SPOCK1: variants seen among roughly 807,000 people sequenced by gnomAD.
SPOCK1 encodes testican-1.
In SPOCK1, 23 loss-of-function variants were observed where a neutral mutation model predicts 55.3. That is an observed-to-expected ratio of 0.42 (90% CI 0.30 to 0.59). The LOEUF is 0.59. SPOCK1 is among the 20% of genes least tolerant of loss of function. SPOCK1 has a pLI of 0.22. For missense variants in SPOCK1, 499 were observed against 552.5 expected (o/e 0.90, Z 0.97); for synonymous variants, 226 against 221.0 (o/e 1.02, Z -0.20).
intron 2 of SPOCK1, among the ~76,000 whole-genome samples, chr5:137,465,017 G>A (rs1260749898): frequency 6.6e-6 from 1 of 152,134 alleles, no homozygotes; most frequent in African/African-American, 2.4e-5. Context: ...AGAACGTGCA[G>A]AAAACCTTGA....
At chr5:137,414,794 C>T (rs1360347381) in intron 2 of SPOCK1, among the ~76,000 whole-genome samples, 1 of 152,068 alleles carries the variant, frequency 6.6e-6, no homozygotes, top group Non-Finnish European at 1.5e-5. Context: ...TATTTTAGCA[C>T]CTAAGATCTG....
rs184647768 is a variant in SPOCK1 at position 137,102,318 on chromosome 5, A to C, written c.474+10117T>G. ...TGGAATCTTTTGCCAGGATTAAAAC[A>C]TGAGTAAATTTGTTTGGTGTTTCTA... is the stretch of plus-strand genomic sequence containing the variant. On this transcript the variant is annotated intron_variant, in intron 5 of 10. Coordinates refer to ENST00000394945, the MANE Select transcript of SPOCK1 (RefSeq NM_004598.4). Among the ~76,000 whole-genome samples the C allele has an allele frequency of 6.6e-5, 10 of 152,286 alleles. No individual in the cohort carries two copies. The East Asian group carries it at 1.9e-3, about 29-fold the overall frequency.
intron 2 of SPOCK1, among the ~76,000 whole-genome samples, chr5:137,447,557 TA>T (rs765631835): frequency 4.6e-5 from 7 of 152,074 alleles, no homozygotes; most frequent in Non-Finnish European, 1.0e-4. Context: ...CACACACAAG[TA>T]AAAAGCAAAG....
chr5:137,137,677 C>T lies in SPOCK1; in HGVS notation c.347+2903G>A, dbSNP rs143635020. 2.6e-3 allele frequency among the ~76,000 whole-genome samples: 394 copies of T among 152,282 alleles called. No homozygotes were observed. In the Middle Eastern group the frequency reaches 0.051, roughly 20 times the overall value. ...CTTAGTCTACACCTGCTGTGAATTG[C>T]AAAGGGGGCAGCAGAAATGACACTG... is the stretch of plus-strand genomic sequence containing the variant. On this transcript the variant is annotated intron_variant, in intron 4 of 10. Coordinates refer to ENST00000394945, the MANE Select transcript of SPOCK1 (RefSeq NM_004598.4).
intron 3 of SPOCK1, among the ~76,000 whole-genome samples, chr5:137,226,104 C>T (rs985114047): frequency 6.6e-6 from 1 of 152,192 alleles, no homozygotes; most frequent in African/African-American, 2.4e-5. Context: ...CAGTGGGCTG[C>T]ACACCATCCT....
chr5:137,486,478 C>A (rs893859655), intron 2 of SPOCK1, among the ~76,000 whole-genome samples: 1 of 152,208 alleles, frequency 6.6e-6, no homozygotes, highest in Non-Finnish European at 1.5e-5. Context: ...AGAAAGCCTG[C>A]AGCCTGACCA....
At chr5:137,191,418 A>G (rs891879456) in intron 3 of SPOCK1, among the ~76,000 whole-genome samples, 1 of 151,456 alleles carries the variant, frequency 6.6e-6, no homozygotes, top group African/African-American at 2.5e-5. Flanking sequence ...TATGATGGAA[A>G]TTCTGTATCA....
intron 3 of SPOCK1, among the ~76,000 whole-genome samples, chr5:137,175,957 A>G (rs1057427285): frequency 9.2e-5 from 14 of 152,174 alleles, no homozygotes; most frequent in Non-Finnish European, 2.9e-5. Flanking sequence ...AATAATAGTA[A>G]AGGCAGGAGG....
At chr5:137,363,929 G>A (rs376948255) in intron 2 of SPOCK1, among the ~76,000 whole-genome samples, 31 of 152,204 alleles carry the variant, frequency 2.0e-4, no homozygotes, top group African/African-American at 6.8e-4. Context: ...TTCTCTGCAG[G>A]AAGCAGGGTG....
intron 6 of SPOCK1, among the ~76,000 whole-genome samples, chr5:137,046,176 G>A (rs1331905141): frequency 2.1e-5 from 2 of 94,688 alleles, no homozygotes; most frequent in Non-Finnish European, 4.4e-5. Context: ...TTCCAATTCT[G>A]TGAAGAAAGT....
intron 6 of SPOCK1, among the ~76,000 whole-genome samples, chr5:136,999,384 T>C (rs560419227): frequency 6.6e-6 from 1 of 152,278 alleles, no homozygotes; most frequent in East Asian, 1.9e-4. Flanking sequence ...GGGACCCCAT[T>C]GTCCCCTTCT....
At chr5:137,076,415 T>A (rs1327191437) in intron 5 of SPOCK1, among the ~76,000 whole-genome samples, 2 of 152,052 alleles carry the variant, frequency 1.3e-5, no homozygotes, top group African/African-American at 2.4e-5. Context: ...CATCTTAAGG[T>A]AAAAATAATC....
chr5:137,311,534 CATAAGTA>C (rs1257614088), intron 2 of SPOCK1, among the ~76,000 whole-genome samples: 2 of 152,206 alleles, frequency 1.3e-5, no homozygotes, highest in Non-Finnish European at 2.9e-5. Flanking sequence ...CATCTGCAAG[CATAAGTA>C]ATGTGTCCAA....
chr5:137,105,336 C>G (rs187546860), intron 5 of SPOCK1, among the ~76,000 whole-genome samples: 2 of 152,284 alleles, frequency 1.3e-5, no homozygotes, highest in Admixed American at 6.5e-5. Context: ...ACCCACGGGT[C>G]TGGTGGGAGC....
At chr5:137,014,666 T>C (rs903881686) in intron 6 of SPOCK1, among the ~76,000 whole-genome samples, 1 of 152,222 alleles carries the variant, frequency 6.6e-6, no homozygotes, top group African/African-American at 2.4e-5. Context: ...TGTGTCAATA[T>C]ACCTGAGCTT....
chr5:137,496,319 A>G (rs542589180), intron 2 of SPOCK1, among the ~76,000 whole-genome samples: 54 of 152,364 alleles, frequency 3.5e-4, no homozygotes, highest in African/African-American at 1.3e-3. Flanking sequence ...ACCATCCATA[A>G]TAAAGATGGG....
intron 2 of SPOCK1, among the ~76,000 whole-genome samples, chr5:137,361,070 T>C (rs2127166086): frequency 6.6e-6 from 1 of 152,286 alleles, no homozygotes; most frequent in East Asian, 1.9e-4. Flanking sequence ...ATTAAGGGAT[T>C]TGTGTCCTTA....
intron 2 of SPOCK1, among the ~76,000 whole-genome samples, chr5:137,269,883 G>C (rs911746660): frequency 1.3e-5 from 2 of 151,786 alleles, no homozygotes; most frequent in African/African-American, 4.8e-5. Context: ...ATTTCACCAG[G>C]GCCTAAGACT....
At chr5:137,160,586 A>T (rs1374805316) in intron 3 of SPOCK1, among the ~76,000 whole-genome samples, 812 of 41,190 alleles carry the variant, frequency 0.02, 38 homozygotes, top group African/African-American at 0.052. Context: ...TAATATATAT[A>T]ATATATAATA....
Sources: allele counts gnomAD v4.1 joint callset (sites outside exome capture counted in the v4.1 genomes callset), GRCh38; gene constraint gnomAD v4.1.1; transcripts MANE v1.5; gene names NCBI Gene and HGNC (gene_info 2026-07-23, HGNC 2026-07-21).